The following EEF1E1 variants were observed in gnomAD, a reference collection of about 807,000 sequenced individuals.
EEF1E1 encodes eukaryotic translation elongation factor 1 epsilon-1.
A neutral mutation model predicts 19.9 loss-of-function variants in EEF1E1; 19 were observed. The ratio of observed to expected loss-of-function variants is 0.95; its 90% CI spans 0.66 to 1.40. The LOEUF is 1.40. EEF1E1 is among the 40% of genes most tolerant of loss of function. EEF1E1 has a pLI of 0.00. For missense variants in EEF1E1, 198 were observed against 202.2 expected (o/e 0.98, Z 0.13); for synonymous variants, 81 against 80.0 (o/e 1.01, Z -0.07).
chr6:8,079,805 A>G lies in EEF1E1; in HGVS notation c.*85T>C, dbSNP rs1400347759. ...TTCAACAAATAATGAATGACTGTAT[A>G]TTAATTTACATTAGTCCTGTGGTCT... On this transcript the variant is annotated 3_prime_UTR_variant, in exon 4 of 4. Transcript: ENST00000379715. 6.9e-7 allele frequency: 1 copy of G among 1,448,898 alleles called. No homozygotes were observed. Among genetic ancestry groups the G allele is most frequent in the Admixed American group, 2.2e-5 (1 of 45,284 alleles). 89.8% of individuals were successfully genotyped at this position (1,448,898 alleles called of 1,614,324 possible).
At chr6:8,085,751 C>A (rs567712284) in intron 3 of EEF1E1, among the ~76,000 whole-genome samples, 2 of 152,258 alleles carry the variant, frequency 1.3e-5, no homozygotes, top group East Asian at 3.9e-4. Flanking sequence ...TGAAAATTCC[C>A]TTAGACAGCC....
rs775883680 is a variant in EEF1E1 at position 8,090,263 on chromosome 6, C to G, written c.307G>C (p.Glu103Gln). 5 of 1,482,714 alleles carry G rather than the reference C, an allele frequency of 3.4e-6. No homozygotes were observed. The African/African-American group carries it at 7.4e-5, about 22-fold the overall frequency. 91.8% of individuals were successfully genotyped at this position (1,482,714 alleles called of 1,614,324 possible). Reference protein sequence around the residue: ...TLLKDLNSYLEDKVYLTGYNF... With the variant: ...TLLKDLNSYLQDKVYLTGYNF... ...TACCCTGTAAGGTAGACTTTATCTT[C>G]AAGATATGAATTAAGATCCTAGAAA... The change falls in exon 3 of 4, where the codon GAA becomes CAA. Residue 103 changes from glutamate to glutamine, a missense_variant. Physicochemically the swap from Glu to Gln is conservative, Grantham distance 29. Transcript: ENST00000379715.
At chr6:8,076,559 G>A (rs1396173033), downstream of EEF1E1, among the ~76,000 whole-genome samples, 1 of 152,026 alleles carries the variant, frequency 6.6e-6, no homozygotes, top group Non-Finnish European at 1.5e-5. Flanking sequence ...TCCTGACCTC[G>A]TGATCTGCCC....
downstream of EEF1E1, chr6:8,078,444 A>G (rs1757650680): frequency 9.7e-6 from 2 of 206,126 alleles, no homozygotes; most frequent in Non-Finnish European, 2.0e-5. Flanking sequence ...ATCACGGGAC[A>G]CAGATCAGTT....
chr6:8,075,645 G>T (rs995477503), downstream of EEF1E1, among the ~76,000 whole-genome samples: 3 of 152,200 alleles, frequency 2.0e-5, no homozygotes, highest in Admixed American at 6.5e-5. Context: ...TTGCCTCCAT[G>T]TCAATGGCTC....
At chr6:8,090,140 T>C in intron 3 of EEF1E1, 46 bp downstream of exon 3, 2 of 1,427,688 alleles carry the variant, frequency 1.4e-6, no homozygotes, top group Non-Finnish European at 1.9e-6. Flanking sequence ...TTAAAAATCA[T>C]TCTCAACACT....
chr6:8,080,321 A>C (rs1757695411), intron 3 of EEF1E1, among the ~76,000 whole-genome samples: 1 of 152,228 alleles, frequency 6.6e-6, no homozygotes, highest in Non-Finnish European at 1.5e-5. Context: ...TGGAGGTCAA[A>C]TAATTTGTTT....
At chr6:8,094,196 C>G (rs1003084537) in intron 2 of EEF1E1, among the ~76,000 whole-genome samples, 1 of 152,138 alleles carries the variant, frequency 6.6e-6, no homozygotes, top group African/African-American at 2.4e-5. Context: ...GAAGAGGCCA[C>G]TCTTATATGC....
At chr6:8,083,892 C>T (rs1204015043) in intron 3 of EEF1E1, among the ~76,000 whole-genome samples, 3 of 152,170 alleles carry the variant, frequency 2.0e-5, no homozygotes, top group African/African-American at 7.2e-5. Context: ...TCATTTATTC[C>T]ACATCTGTAT....
chr6:8,086,985 G>C (rs533586787), intron 3 of EEF1E1, among the ~76,000 whole-genome samples: 9 of 152,288 alleles, frequency 5.9e-5, no homozygotes, highest in Non-Finnish European at 1.0e-4. Flanking sequence ...CACAGAGGAA[G>C]GAGCACCTCA....
intron 1 of EEF1E1, among the ~76,000 whole-genome samples, chr6:8,101,236 AAAAAAAAATATATAT>A (rs1561647039): frequency 4.2e-5 from 3 of 71,266 alleles, no homozygotes; most frequent in African/African-American, 2.0e-4. Context: ...AAAAAAAAAA[AAAAAAAAATATATAT>A]ATATATATAT....
intron 2 of EEF1E1, 45 bp from the exon 3 acceptor site, chr6:8,090,326 A>G (rs747949549): frequency 1.2e-5 from 16 of 1,309,958 alleles, no homozygotes; most frequent in Non-Finnish European, 1.6e-5. Flanking sequence ...AAAAAACAGT[A>G]ATAATAAAGT....
At chr6:8,092,116 G>T (rs1758026980) in intron 2 of EEF1E1, among the ~76,000 whole-genome samples, 1 of 152,076 alleles carries the variant, frequency 6.6e-6, no homozygotes, top group African/African-American at 2.4e-5. Flanking sequence ...TTCCATTCAT[G>T]AAGGCTCTGC....
At chr6:8,094,095 G>A (rs935838818) in intron 2 of EEF1E1, among the ~76,000 whole-genome samples, 3 of 152,004 alleles carry the variant, frequency 2.0e-5, no homozygotes, top group African/African-American at 4.8e-5. Context: ...CACCGCATGC[G>A]GCCTCAAACG....
chr6:8,074,076 CT>C (rs1757538476), intron 3 of EEF1E1, among the ~76,000 whole-genome samples: 1 of 152,172 alleles, frequency 6.6e-6, no homozygotes, highest in African/African-American at 2.4e-5. Context: ...TGCTGTCCCC[CT>C]CTTGCTGTTT....
At chr6:8,075,669 G>T (rs1248262597), downstream of EEF1E1, among the ~76,000 whole-genome samples, 4 of 152,208 alleles carry the variant, frequency 2.6e-5, no homozygotes, top group African/African-American at 9.7e-5. Context: ...ATTGATCAGG[G>T]TGGTGGTTGC....
intron 1 of EEF1E1, among the ~76,000 whole-genome samples, chr6:8,101,402 C>T (rs7768487): frequency 0.078 from 11,608 of 148,712 alleles, 697 homozygotes; most frequent in East Asian, 0.23. Context: ...GCCGAAGGGA[C>T]GGAATTATCA....
chr6:8,101,775 T>C (rs776138466), intron 1 of EEF1E1: 10 of 1,289,410 alleles, frequency 7.8e-6, no homozygotes, highest in Non-Finnish European at 1.0e-5. Context: ...CTTGTGATGT[T>C]TCCCGCATTC....
chr6:8,079,776 C>G lies in EEF1E1; in HGVS notation c.*114G>C. ...CAAGTTTACACTTCAAAAATTCTAT[C>G]AACTTCAACAAATAATGAATGACTG... On this transcript the variant is annotated 3_prime_UTR_variant, in exon 4 of 4. Transcript: ENST00000379715. 7.4e-7 allele frequency: 1 copy of G among 1,352,980 alleles called. No homozygotes were observed. 83.8% of individuals were successfully genotyped at this position (1,352,980 alleles called of 1,614,324 possible).
Sources: allele counts gnomAD v4.1 joint callset (sites outside exome capture counted in the v4.1 genomes callset), GRCh38; gene constraint gnomAD v4.1.1; transcripts MANE v1.5; gene names NCBI Gene and HGNC (gene_info 2026-07-23, HGNC 2026-07-21).